TTC28: variants seen among roughly 807,000 people sequenced by gnomAD.
TTC28 encodes tetratricopeptide repeat domain 28.
In TTC28, 61 loss-of-function variants were observed where a neutral mutation model predicts 198.0. That is an observed-to-expected ratio of 0.31 (90% confidence interval 0.25 to 0.38). TTC28 has a LOEUF of 0.38. Ranked by LOEUF, TTC28 falls within the 10% of genes least tolerant of loss-of-function variation. The probability of loss-of-function intolerance (pLI) is 1.00; values close to 1 mark genes in which losing one functional copy is unlikely to be tolerated. For synonymous variants in TTC28, 1,171 were observed against 1,297.8 expected, an observed-to-expected ratio of 0.90 and a Z score of 2.10; for missense variants, 2,678 against 3,164.0, an observed-to-expected ratio of 0.85 and a Z score of 3.69.
chr22:28,169,492 T>G (rs1334455020), intron 5 of TTC28, among the ~76,000 whole-genome samples: 2 of 151,946 alleles, frequency 1.3e-5, no homozygotes, highest in Admixed American at 6.6e-5. Context: ...TATGCAGCCA[T>G]AAAAAAGGAT....
At chr22:28,296,387 TA>T (rs1345400269) in intron 4 of TTC28, 59 bp from the exon 5 acceptor site, 10 of 1,372,500 alleles carry the variant, frequency 7.3e-6, no homozygotes, top group Non-Finnish European at 9.6e-6. Context: ...ATGTTATTTA[TA>T]ACATATAATG....
At chr22:28,641,206 C>G (rs969364626) in intron 1 of TTC28, among the ~76,000 whole-genome samples, 1 of 152,010 alleles carries the variant, frequency 6.6e-6, no homozygotes, top group Non-Finnish European at 1.5e-5. Flanking sequence ...TGCCTGTAGT[C>G]CCAGCTACTC....
chr22:28,475,148 T>TAAA (rs2048144718), intron 2 of TTC28, among the ~76,000 whole-genome samples: 1 of 24,186 alleles, frequency 4.1e-5, no homozygotes, highest in Non-Finnish European at 7.0e-5. Context: ...AGACTCCATC[T>TAAA]CAAAAAAAAA....
intron 2 of TTC28, among the ~76,000 whole-genome samples, chr22:28,587,580 G>A (rs2050340324): frequency 6.6e-6 from 1 of 151,798 alleles, no homozygotes; most frequent in African/African-American, 2.4e-5. Context: ...ACTGCAAGCT[G>A]AGACTATAGT....
intron 2 of TTC28, among the ~76,000 whole-genome samples, chr22:28,590,283 A>G (rs2050404007): frequency 6.6e-6 from 1 of 151,322 alleles, no homozygotes; most frequent in Non-Finnish European, 1.5e-5. Context: ...GCCCACCACC[A>G]CACCCAGATA....
intron 12 of TTC28, among the ~76,000 whole-genome samples, chr22:28,083,985 G>A (rs562244398): frequency 2.0e-5 from 3 of 152,376 alleles, no homozygotes; most frequent in South Asian, 4.1e-4. Context: ...CCATTGCTCA[G>A]GCTTGAGTAG....
chr22:28,025,022 G>T (rs1938770195), intron 13 of TTC28, among the ~76,000 whole-genome samples: 1 of 152,212 alleles, frequency 6.6e-6, no homozygotes, highest in South Asian at 2.1e-4. Context: ...CAGCCAGAAA[G>T]CTGGGTATGC....
chr22:28,085,118 C>G (rs1332758424), intron 12 of TTC28, among the ~76,000 whole-genome samples: 1 of 152,088 alleles, frequency 6.6e-6, no homozygotes, highest in Non-Finnish European at 1.5e-5. Context: ...CTTCCCCAAT[C>G]TAGCAAGGCA....
rs552341811 is a variant in TTC28, at chr22:28,228,851, C to A, written c.934-65252G>T. On this transcript the variant is annotated intron_variant, in intron 5 of 22. Transcript: ENST00000397906. ...AATAAATGGAATATAAATATTTTCT[C>A]GATTGTTTAAAAAACTACACCCCGG... Among the ~76,000 whole-genome samples the A allele has an allele frequency of 9.3e-4, 142 of 152,072 alleles. 1 individual carries two copies. Among genetic ancestry groups the A allele is most frequent in the African/African-American group, 3.3e-3 (135 of 41,466 alleles).
chr22:28,486,765 A>T (rs2048319139), intron 2 of TTC28, among the ~76,000 whole-genome samples: 1 of 152,168 alleles, frequency 6.6e-6, no homozygotes, highest in African/African-American at 2.4e-5. Context: ...CCCCACATTT[A>T]ATCTCTTGCA....
intron 2 of TTC28, among the ~76,000 whole-genome samples, chr22:28,322,379 T>A (rs1338802248): frequency 2.0e-5 from 3 of 152,204 alleles, no homozygotes. Context: ...AAAGTTTCCC[T>A]GACACGTATT....
chr22:28,271,181 A>C (rs1208562082), intron 5 of TTC28, among the ~76,000 whole-genome samples: 12 of 151,392 alleles, frequency 7.9e-5, no homozygotes, highest in Admixed American at 7.9e-4. Flanking sequence ...GGCAACTCTC[A>C]ACACCTTAGC....
At chr22:28,176,446 G>A (rs1157934645) in intron 5 of TTC28, among the ~76,000 whole-genome samples, 5 of 152,060 alleles carry the variant, frequency 3.3e-5, no homozygotes. Flanking sequence ...CTGAGGGGTT[G>A]GTTAAAAGGT....
At chr22:28,613,067 A>C (rs2050846030) in intron 2 of TTC28, among the ~76,000 whole-genome samples, 1 of 152,144 alleles carries the variant, frequency 6.6e-6, no homozygotes, top group South Asian at 2.1e-4. Context: ...TAAGATCAAC[A>C]AAAATAGATA....
chr22:28,372,351 T>G (rs938546771), intron 2 of TTC28, among the ~76,000 whole-genome samples: 3 of 152,206 alleles, frequency 2.0e-5, no homozygotes, highest in Non-Finnish European at 4.4e-5. Flanking sequence ...ATATTTTTAT[T>G]AAACAGCCAC....
At chr22:28,500,471 T>G (rs931699216) in intron 2 of TTC28, among the ~76,000 whole-genome samples, 1 of 152,206 alleles carries the variant, frequency 6.6e-6, no homozygotes, top group African/African-American at 2.4e-5. Flanking sequence ...GTTGAGTACA[T>G]GTAATAATCT....
intron 1 of TTC28, among the ~76,000 whole-genome samples, chr22:28,655,776 G>A (rs953915115): frequency 2.6e-5 from 4 of 151,980 alleles, no homozygotes; most frequent in East Asian, 1.9e-4. Flanking sequence ...GCGTGAACCC[G>A]GGAGGCGGAG....
intron 12 of TTC28, among the ~76,000 whole-genome samples, chr22:28,042,121 C>A (rs1939662829): frequency 6.6e-6 from 1 of 152,140 alleles, no homozygotes; most frequent in Admixed American, 6.5e-5. Context: ...AATGCTTTTA[C>A]ACTGTTGGTG....
chr22:28,104,722 G>C (rs934962805), intron 8 of TTC28, among the ~76,000 whole-genome samples: 1 of 152,138 alleles, frequency 6.6e-6, no homozygotes, highest in Non-Finnish European at 1.5e-5. Context: ...CAAATGCTGA[G>C]AAAGAAGCCT....
Sources: allele counts gnomAD v4.1 joint callset (sites outside exome capture counted in the v4.1 genomes callset), GRCh38; gene constraint gnomAD v4.1.1; transcripts MANE v1.5; gene names NCBI Gene and HGNC (gene_info 2026-07-23, HGNC 2026-07-21).